PSMB5: variants seen among roughly 807,000 people sequenced by gnomAD.
PSMB5 encodes the protein proteasome 20S subunit beta 5.
In PSMB5, 2 loss-of-function variants were observed where a neutral mutation model predicts 22.8. That is an observed-to-expected ratio of 0.09 (90% confidence interval 0.04 to 0.28). The LOEUF (loss-of-function observed/expected upper bound fraction) is 0.28, where lower values mean the gene tolerates loss of function less well. Among genes scored for constraint, PSMB5 ranks in the 10% least tolerant of loss-of-function variants. PSMB5 has a pLI of 1.00. For missense variants in PSMB5, 269 were observed against 343.8 expected, an observed-to-expected ratio of 0.78 and a Z score of 1.72; for synonymous variants, 133 against 135.3, an observed-to-expected ratio of 0.98 and a Z score of 0.12.
intron 2 of PSMB5, among the ~76,000 whole-genome samples, chr14:23,029,016 C>T (rs181868980): frequency 3.3e-4 from 51 of 152,308 alleles, no homozygotes; most frequent in African/African-American, 1.1e-3. Flanking sequence ...CAGTGATTCT[C>T]ACATCTCACT....
chr14:23,032,472 G>C (rs571415891), intron 2 of PSMB5, among the ~76,000 whole-genome samples: 1 of 152,100 alleles, frequency 6.6e-6, no homozygotes, highest in African/African-American at 2.4e-5. Flanking sequence ...GAAAAAAACA[G>C]AAGAGAAATG....
rs1009731589 is a variant in PSMB5 at position 23,029,050 on chromosome 14, G to T, written c.506-2675C>A. ...CTGTGCACTAGAGTCATCTAACAAA[G>T]ATTTTTTTCAAAAATGCACAGGACT... On this transcript the variant is annotated intron_variant, in intron 2 of 2. Transcript: ENST00000361611. Among the ~76,000 whole-genome samples, 6 of 152,248 alleles carry T rather than the reference G, an allele frequency of 3.9e-5. No individual in the cohort carries two copies. The South Asian group carries it at 1.2e-3, about 32-fold the overall frequency.
intron 2 of PSMB5, chr14:23,027,646 T>C: frequency 1.2e-6 from 1 of 841,762 alleles, no homozygotes; most frequent in Non-Finnish European, 1.8e-6. Flanking sequence ...AGATGCTGTC[T>C]TCAGGAAAAA....
intron 1 of PSMB5, 97 bp from the exon 2 acceptor site, chr14:23,033,771 C>A: frequency 1.8e-6 from 2 of 1,085,184 alleles, no homozygotes; most frequent in South Asian, 1.6e-5. Flanking sequence ...CAGCACATCT[C>A]TTTCTCCGTC....
intron 2 of PSMB5, among the ~76,000 whole-genome samples, chr14:23,028,223 T>C (rs1284761327): frequency 1.3e-5 from 2 of 152,168 alleles, no homozygotes; most frequent in Admixed American, 1.3e-4. Context: ...CCCAGGAGGT[T>C]GAGGCTACAG....
Position 23,034,728 on chromosome 14 carries a change from G to A in PSMB5, c.154C>T (p.Pro52Ser), listed in dbSNP as rs1339660379. 1.9e-6 allele frequency: 3 copies of A among 1,614,046 alleles called. No homozygotes were observed. In the African/African-American group the frequency reaches 4.0e-5, roughly 22 times the overall value. ...AAPGWGVPEE[P>S]GIEMLHGTTT... ...GTTCCATGAAGCATTTCGATTCCTG[G>A]CTCTTCTGGGACACCCCAGCCTGGC... is the stretch of plus-strand genomic sequence containing the variant. The change falls in exon 1 of 3, where the codon CCA becomes TCA. Residue 52 changes from proline (P) to serine (S), a missense_variant. By Grantham distance (74) the Pro-to-Ser change is moderately conservative (BLOSUM62 -1). Coordinates refer to ENST00000361611, the MANE Select transcript of PSMB5 (RefSeq NM_002797.5).
intron 1 of PSMB5, 87 bp from the exon 2 acceptor site, chr14:23,033,761 CA>C: frequency 8.6e-7 from 1 of 1,169,236 alleles, no homozygotes. Context: ...AATCCAAACC[CA>C]GCACATCTCT....
chr14:23,027,050 C>A (rs2046919434), intron 2 of PSMB5, among the ~76,000 whole-genome samples: 1 of 148,870 alleles, frequency 6.7e-6, no homozygotes, highest in Non-Finnish European at 1.5e-5. Flanking sequence ...CCATTGCACT[C>A]CAGCCTGGGC....
At chr14:23,032,299 C>T (rs2046958497) in intron 2 of PSMB5, among the ~76,000 whole-genome samples, 1 of 152,054 alleles carries the variant, frequency 6.6e-6, no homozygotes. Flanking sequence ...ATAAAATTAG[C>T]TGGGCATGCT....
At position 23,026,127 on chromosome 14, in the gene PSMB5, C is replaced by T; in HGVS notation, c.754G>A (p.Ala252Thr). The change falls in exon 3 of 3, where the codon GCT (alanine) becomes ACT (threonine). Residue 252 changes from alanine (A) to threonine (T), a missense_variant. Physicochemically the swap from Ala to Thr is moderately conservative, Grantham distance 58. This residue lies in a region of PSMB5 where 113 missense variants were observed against 130.2 expected (regional missense o/e 0.87). Transcript: ENST00000361611. ...CCACTATACTTCTCATGTAGATCAGCCACATTGTCACTGGAGACTCGGATC... is the reference window on the plus strand; with the variant it reads ...CCACTATACTTCTCATGTAGATCAGTCACATTGTCACTGGAGACTCGGATC... ...GWIRVSSDNV[A>T]DLHEKYSGST... 1 of 1,614,166 alleles carries T rather than the reference C, an allele frequency of 6.2e-7. No individual in the cohort carries two copies.
At chr14:23,030,868 T>C (rs2046948150) in intron 2 of PSMB5, among the ~76,000 whole-genome samples, 2 of 152,224 alleles carry the variant, frequency 1.3e-5, no homozygotes, top group Admixed American at 6.5e-5. Flanking sequence ...GAGGTTGCAA[T>C]GAACTGAGAT....
At chr14:23,034,188 T>C (rs2046974725) in intron 1 of PSMB5, among the ~76,000 whole-genome samples, 1 of 151,866 alleles carries the variant, frequency 6.6e-6, no homozygotes, top group African/African-American at 2.4e-5. Flanking sequence ...AATCAAATGA[T>C]TTCTCAATCT....
intron 2 of PSMB5, among the ~76,000 whole-genome samples, chr14:23,030,864 G>C (rs2046948095): frequency 6.6e-6 from 1 of 152,128 alleles, no homozygotes; most frequent in African/African-American, 2.4e-5. Context: ...GGTGGAGGTT[G>C]CAATGAACTG....
At chr14:23,028,672 T>G (rs2046932881) in intron 2 of PSMB5, among the ~76,000 whole-genome samples, 1 of 152,228 alleles carries the variant, frequency 6.6e-6, no homozygotes, top group South Asian at 2.1e-4. Context: ...TTCCATACTG[T>G]CTATGGTTGT....
At chr14:23,030,126 T>C (rs1161673081) in intron 2 of PSMB5, among the ~76,000 whole-genome samples, 1 of 151,458 alleles carries the variant, frequency 6.6e-6, no homozygotes, top group East Asian at 2.0e-4. Context: ...GATCCACCCA[T>C]CTCGGCCTCC....
Position 23,034,745 on chromosome 14 carries a change from C to G in PSMB5, c.137G>C (p.Trp46Ser). The G allele has an allele frequency of 6.2e-7, 1 of 1,614,202 alleles. No individual in the cohort carries two copies. Residue 46 changes from tryptophan (W) to serine (S), a missense_variant, in exon 1 of 3, where the codon TGG becomes TCG. Around this residue, in one of 3 missense-constraint regions of PSMB5, gnomAD observed 81 missense variants for 70.4 expected, o/e 1.15. Coordinates refer to ENST00000361611, the MANE Select transcript of PSMB5 (RefSeq NM_002797.5). ...GATTCCTGGCTCTTCTGGGACACCC[C>G]AGCCTGGCGCGGCCAGGCTCAGACC... ...SDGLSLAAPG[W>S]GVPEEPGIEM...
At chr14:23,032,999 T>G (rs2046964604) in intron 2 of PSMB5, among the ~76,000 whole-genome samples, 1 of 149,228 alleles carries the variant, frequency 6.7e-6, no homozygotes, top group African/African-American at 2.5e-5. Flanking sequence ...ATCCACCTCC[T>G]GGGTTCAAGC....
At chr14:23,034,555 G>T in intron 1 of PSMB5, 129 bp downstream of exon 1, 1 of 1,094,328 alleles carries the variant, frequency 9.1e-7, no homozygotes, top group Non-Finnish European at 1.3e-6. Flanking sequence ...AACTGCTGCG[G>T]TCCGAACGAG....
chr14:23,028,746 T>C (rs574589349), intron 2 of PSMB5, among the ~76,000 whole-genome samples: 6 of 152,338 alleles, frequency 3.9e-5, no homozygotes, highest in Non-Finnish European at 8.8e-5. Context: ...ACCTAAAATA[T>C]TTACTATTTG....
Sources: allele counts gnomAD v4.1 joint callset (sites outside exome capture counted in the v4.1 genomes callset), GRCh38; gene constraint gnomAD v4.1.1; regional missense constraint gnomAD v4.1.1; transcripts MANE v1.5; gene names NCBI Gene and HGNC (gene_info 2026-07-23, HGNC 2026-07-21).